SPHKAP: variants seen among roughly 807,000 people sequenced by gnomAD.
SPHKAP encodes SPHK1 interactor, AKAP domain containing, also known as A-kinase anchor protein SPHKAP.
A neutral mutation model predicts 137.5 loss-of-function variants in SPHKAP; 67 were observed. That is an observed-to-expected ratio of 0.49 (90% CI 0.40 to 0.60). The LOEUF is 0.60. SPHKAP is among the 20% of genes least tolerant of loss of function. The pLI is 0.00. For missense variants in SPHKAP, 2,097 were observed against 2,069.3 expected (o/e 1.01, Z -0.26); for synonymous variants, 813 against 785.3 (o/e 1.04, Z -0.59).
chr2:228,078,336 C>T (rs1410836903), intron 3 of SPHKAP, among the ~76,000 whole-genome samples: 2 of 150,316 alleles, frequency 1.3e-5, no homozygotes, highest in Admixed American at 6.6e-5. Context: ...TAGTATTTAT[C>T]TTTCAAAGTG....
chr2:228,127,497 G>C (rs543030422), intron 2 of SPHKAP, among the ~76,000 whole-genome samples: 26 of 152,266 alleles, frequency 1.7e-4, no homozygotes, highest in Admixed American at 1.6e-3. Context: ...CAATTATTAT[G>C]TAAGCTTGAC....
intron 2 of SPHKAP, among the ~76,000 whole-genome samples, chr2:228,114,286 T>G (rs537431608): frequency 6.6e-6 from 1 of 152,314 alleles, no homozygotes; most frequent in Non-Finnish European, 1.5e-5. Context: ...CAGTTACGTT[T>G]CTTTTTATAT....
At chr2:228,068,673 A>T (rs1430159373) in intron 3 of SPHKAP, among the ~76,000 whole-genome samples, 3 of 152,186 alleles carry the variant, frequency 2.0e-5, no homozygotes, top group Non-Finnish European at 4.4e-5. Context: ...CTTATTTCTC[A>T]CTACATACAA....
intron 7 of SPHKAP, among the ~76,000 whole-genome samples, chr2:227,997,048 G>A (rs1693663950): frequency 1.3e-5 from 2 of 152,112 alleles, no homozygotes; most frequent in South Asian, 2.1e-4. Context: ...GCCTTCCAAC[G>A]GTTGTGCTTC....
chr2:228,098,613 G>C (rs1168925604), intron 3 of SPHKAP, among the ~76,000 whole-genome samples: 1 of 152,068 alleles, frequency 6.6e-6, no homozygotes, highest in African/African-American at 2.4e-5. Context: ...GGCCTGTTGT[G>C]GGGTGGTGGG....
intron 3 of SPHKAP, among the ~76,000 whole-genome samples, chr2:228,061,919 A>C (rs1054443029): frequency 6.6e-6 from 1 of 152,174 alleles, no homozygotes; most frequent in Non-Finnish European, 1.5e-5. Context: ...GATAAGGAAT[A>C]TCACCCTATT....
chr2:227,983,405 G>T (rs946262778), intron 11 of SPHKAP, among the ~76,000 whole-genome samples: 3 of 152,172 alleles, frequency 2.0e-5, no homozygotes, highest in Non-Finnish European at 4.4e-5. Flanking sequence ...TTAATACCTG[G>T]AAATATAAAC....
chr2:228,179,262 T>C (rs924504656), intron 1 of SPHKAP, among the ~76,000 whole-genome samples: 1 of 152,184 alleles, frequency 6.6e-6, no homozygotes, highest in Non-Finnish European at 1.5e-5. Flanking sequence ...GCCTTGACAA[T>C]AGCAATTTGA....
At chr2:228,044,919 C>T (rs1271821969) in intron 3 of SPHKAP, among the ~76,000 whole-genome samples, 1 of 152,026 alleles carries the variant, frequency 6.6e-6, no homozygotes, top group East Asian at 1.9e-4. Flanking sequence ...CAAACAACCC[C>T]ATCAAAAAGT....
chr2:228,098,968 C>T lies in SPHKAP; in HGVS notation c.246+9864G>A, dbSNP rs117893645. ...ATGTATTGTTTGTGAATATTCTCTC[C>T]CATTCTGTAGGTTGTCTGTTTACTT... On this transcript the variant is annotated intron_variant, in intron 3 of 11. Coordinates refer to ENST00000392056, the MANE Select transcript of SPHKAP (RefSeq NM_001142644.2). 3.2e-3 allele frequency among the ~76,000 whole-genome samples: 483 copies of T among 152,064 alleles called. 12 individuals are homozygous for T. Among genetic ancestry groups the T allele is most frequent in the East Asian group, 0.01 (54 of 5,176 alleles).
intron 3 of SPHKAP, among the ~76,000 whole-genome samples, chr2:228,082,604 G>T (rs978496482): frequency 6.6e-6 from 1 of 152,130 alleles, no homozygotes; most frequent in Non-Finnish European, 1.5e-5. Flanking sequence ...AAAGGAACAA[G>T]GATATTGTTC....
intron 2 of SPHKAP, among the ~76,000 whole-genome samples, chr2:228,109,159 A>G (rs919091080): frequency 6.6e-6 from 1 of 152,174 alleles, no homozygotes; most frequent in African/African-American, 2.4e-5. Flanking sequence ...TAATGTTAAC[A>G]CAGATGTTCT....
intron 3 of SPHKAP, among the ~76,000 whole-genome samples, chr2:228,034,333 G>A (rs1411030063): frequency 1.3e-5 from 2 of 152,178 alleles, no homozygotes; most frequent in African/African-American, 2.4e-5. Context: ...AAACCAGGAA[G>A]AAGTTGAATC....
intron 3 of SPHKAP, among the ~76,000 whole-genome samples, chr2:228,041,879 G>C (rs1695866085): frequency 6.6e-6 from 1 of 151,932 alleles, no homozygotes; most frequent in Non-Finnish European, 1.5e-5. Flanking sequence ...GAAAGGAGAT[G>C]GGAGCCATGT....
chr2:228,070,145 T>C (rs1330195863), intron 3 of SPHKAP, among the ~76,000 whole-genome samples: 1 of 152,232 alleles, frequency 6.6e-6, no homozygotes, highest in Non-Finnish European at 1.5e-5. Context: ...GAAACTTAAC[T>C]ACTAATAGCT....
At chr2:228,009,569 T>C (rs910195343) in intron 7 of SPHKAP, among the ~76,000 whole-genome samples, 1 of 152,234 alleles carries the variant, frequency 6.6e-6, no homozygotes, top group African/African-American at 2.4e-5. Context: ...ATACTCCTTA[T>C]AATGAGTGAT....
intron 11 of SPHKAP, among the ~76,000 whole-genome samples, chr2:227,986,975 A>G (rs1164190484): frequency 6.6e-6 from 1 of 152,184 alleles, no homozygotes; most frequent in African/African-American, 2.4e-5. Context: ...ACTGATGTCA[A>G]GGTTTACAAA....
Position 227,995,651 on chromosome 2 carries a change from T to G in SPHKAP, c.4492A>C (p.Thr1498Pro). 1 of 1,612,592 alleles carries G rather than the reference T, an allele frequency of 6.2e-7. No homozygotes were observed. Among genetic ancestry groups the G allele is most frequent in the East Asian group, 2.2e-5 (1 of 44,840 alleles). ...GCCTCATCGGGGGCTCTGGCTTCTGTGGAGGCTTCAGCCTCTGGTACATCT... is the reference window on the plus strand; with the variant it reads ...GCCTCATCGGGGGCTCTGGCTTCTGGGGAGGCTTCAGCCTCTGGTACATCT... ...TRDVPEAEASTEARAPDEAPN... is the reference protein window; with the variant it reads ...TRDVPEAEASPEARAPDEAPN... Residue 1498 changes from threonine (T) to proline (P), a missense_variant, in exon 8 of 12, where the codon ACA becomes CCA. Coordinates refer to ENST00000392056, the MANE Select transcript of SPHKAP (RefSeq NM_001142644.2).
intron 1 of SPHKAP, among the ~76,000 whole-genome samples, chr2:228,151,006 A>G (rs1271846591): frequency 1.3e-5 from 2 of 151,888 alleles, no homozygotes; most frequent in Admixed American, 1.3e-4. Flanking sequence ...ATGTGTATAC[A>G]TGTGCCATGC....
Sources: allele counts gnomAD v4.1 joint callset (sites outside exome capture counted in the v4.1 genomes callset), GRCh38; gene constraint gnomAD v4.1.1; transcripts MANE v1.5; gene names NCBI Gene and HGNC (gene_info 2026-07-23, HGNC 2026-07-21).